DHX32: variants seen among roughly 807,000 people sequenced by gnomAD.
DHX32 encodes putative pre-mRNA-splicing factor ATP-dependent RNA helicase DHX32.
A neutral mutation model predicts 70.0 loss-of-function variants in DHX32; 51 were observed. The observed-to-expected ratio is 0.73, with a 90% CI of 0.58 to 0.92. The LOEUF (loss-of-function observed/expected upper bound fraction) is 0.92, where lower values mean the gene tolerates loss of function less well. Ranked by LOEUF, DHX32 falls within the 40% of genes least tolerant of loss-of-function variation. The pLI is 0.00. For synonymous variants in DHX32, 310 were observed against 315.3 expected (o/e 0.98, Z 0.18); for missense variants, 762 against 891.8 (o/e 0.85, Z 1.85).
At chr10:125,853,902 T>G in intron 4 of DHX32, 59 bp downstream of exon 4, 2 of 1,563,308 alleles carry the variant, frequency 1.3e-6, no homozygotes, top group Non-Finnish European at 1.7e-6. Flanking sequence ...GGTAGGAAAC[T>G]GAGAAACTAG....
intron 6 of DHX32, among the ~76,000 whole-genome samples, chr10:125,851,941 A>G (rs1944095611): frequency 7.1e-6 from 1 of 140,840 alleles, no homozygotes; most frequent in African/African-American, 2.6e-5. Flanking sequence ...AAAAAAAAAA[A>G]GAAAAGAAAA....
upstream of DHX32, among the ~76,000 whole-genome samples, chr10:125,884,362 A>T (rs958044197): frequency 1.4e-4 from 21 of 152,378 alleles, no homozygotes; most frequent in Non-Finnish European, 2.2e-4. Context: ...ATAATATGGT[A>T]GGTTAGATGT....
intron 6 of DHX32, 146 bp from the exon 7 acceptor site, chr10:125,842,080 A>G (rs557117222): frequency 9.7e-7 from 1 of 1,036,096 alleles, no homozygotes; most frequent in Non-Finnish European, 1.3e-6. Flanking sequence ...AATACCAGGG[A>G]GTGAAGGATA....
chr10:125,860,593 G>C (rs1944180498), intron 2 of DHX32, among the ~76,000 whole-genome samples: 2 of 152,066 alleles, frequency 1.3e-5, no homozygotes, highest in South Asian at 4.1e-4. Context: ...TCCTGGAGTG[G>C]GGAGAGGTCA....
Position 125,853,318 on chromosome 10 carries a change from A to G in DHX32, c.1092+643T>C, listed in dbSNP as rs1222906697. On this transcript the variant is annotated intron_variant, in intron 4 of 10. Transcript: ENST00000284690. ...TCTCGGCACCTAGTAATGGTAAATTAGTCAATATTTGTTAGTTTCGTTTGA... is the reference window on the plus strand; with the variant it reads ...TCTCGGCACCTAGTAATGGTAAATTGGTCAATATTTGTTAGTTTCGTTTGA... 8.5e-6 allele frequency: 7 copies of G among 826,000 alleles called. No homozygotes were observed. In the South Asian group the frequency reaches 1.8e-4, roughly 21 times the overall value. The allele number at this position is 826,000 out of a possible 1,614,324, so 51.2% of individuals were successfully genotyped here.
chr10:125,846,193 T>TA (rs1269513337), intron 6 of DHX32, among the ~76,000 whole-genome samples: 1 of 152,176 alleles, frequency 6.6e-6, no homozygotes, highest in Admixed American at 6.5e-5. Context: ...TAACTGTTCT[T>TA]ACAGCCAGGA....
intron 6 of DHX32, among the ~76,000 whole-genome samples, chr10:125,851,594 G>T (rs1944089865): frequency 6.6e-6 from 1 of 152,162 alleles, no homozygotes; most frequent in African/African-American, 2.4e-5. Flanking sequence ...AACCTATCTT[G>T]TTGGGGCTCA....
chr10:125,848,376 G>T (rs1239678768), intron 6 of DHX32, among the ~76,000 whole-genome samples: 4 of 152,132 alleles, frequency 2.6e-5, no homozygotes, highest in Non-Finnish European at 4.4e-5. Flanking sequence ...CATCTCATTT[G>T]TACCTCTAAA....
Position 125,866,679 on chromosome 10 carries a change from A to G in DHX32, c.476+311T>C, listed in dbSNP as rs1564829517. ...TGCTCCAGGTGTCCATGTGGCTTGC[A>G]CACAGGCAATGATGTGGACCCTGCA... On this transcript the variant is annotated intron_variant, in intron 2 of 10. Transcript: ENST00000284690. This position sits in a 1 kb window ranked among gnomAD's most constrained non-coding sequence, Gnocchi z 4.8. 6.6e-6 allele frequency among the ~76,000 whole-genome samples: 1 copy of G among 152,236 alleles called. No homozygotes were observed. The highest frequency in any genetic ancestry group is 1.5e-5 in the Non-Finnish European group (1 of 68,038).
intron 4 of DHX32, chr10:125,853,270 T>TG: frequency 6.2e-6 from 9 of 1,463,158 alleles, no homozygotes; most frequent in Non-Finnish European, 8.5e-6. Flanking sequence ...AGGAGGCTCA[T>TG]AGTCTCCTGG....
Position 125,854,187 on chromosome 10 carries a change from C to A in DHX32, c.866G>T (p.Cys289Phe). Residue 289 changes from cysteine (C) to phenylalanine (F), a missense_variant, in exon 4 of 11, where the codon TGT (cysteine) becomes TTT (phenylalanine). Coordinates refer to ENST00000284690, the MANE Select transcript of DHX32 (RefSeq NM_018180.3). ...LACEQDIEKV[C>F]ETVYQGSNLN... Reference sequence around the variant, plus strand: ...GTTAGATCCTTGATAGACAGTTTCACAGACTTTCTCAATATCCTAAAGAAA... The same window carrying A: ...GTTAGATCCTTGATAGACAGTTTCAAAGACTTTCTCAATATCCTAAAGAAA... 1.2e-6 allele frequency: 2 copies of A among 1,601,870 alleles called. No individual in the cohort carries two copies. The highest frequency in any genetic ancestry group is 1.7e-6 in the Non-Finnish European group (2 of 1,176,134).
intron 1 of DHX32, 62 bp downstream of exon 1, chr10:125,880,481 C>A: frequency 6.7e-7 from 1 of 1,494,952 alleles, no homozygotes; most frequent in South Asian, 1.4e-5. Flanking sequence ...TGTGACATGT[C>A]ATTAAATAAC....
At chr10:125,889,114 C>T (rs1944355609) in intron 1 of DHX32, among the ~76,000 whole-genome samples, 1 of 152,164 alleles carries the variant, frequency 6.6e-6, no homozygotes, top group Admixed American at 6.5e-5. Context: ...AAGGAAACAT[C>T]CGTCTATATT....
intron 10 of DHX32, 39 bp downstream of exon 10, chr10:125,838,166 TA>T (rs543769173): frequency 3.4e-3 from 4,526 of 1,312,544 alleles, no homozygotes; most frequent in South Asian, 7.5e-3. Flanking sequence ...AGGTATGAAT[TA>T]AAAAAAAAAT....
intron 1 of DHX32, among the ~76,000 whole-genome samples, chr10:125,879,642 T>C (rs1164848817): frequency 6.6e-6 from 1 of 152,074 alleles, no homozygotes; most frequent in Non-Finnish European, 1.5e-5. Flanking sequence ...TCAAACAAAC[T>C]CCTTGTTTTT....
At chr10:125,848,754 C>G (rs1272865535) in intron 6 of DHX32, among the ~76,000 whole-genome samples, 1 of 152,178 alleles carries the variant, frequency 6.6e-6, no homozygotes, top group African/African-American at 2.4e-5. Context: ...GTGCAGAGCT[C>G]AGGTAGGAGT....
rs1199904539 is a variant in DHX32, at chr10:125,880,636, A to C, written c.189T>G (p.Pro63=). 1.9e-6 allele frequency: 3 copies of C among 1,614,174 alleles called. No individual in the cohort carries two copies. In the Admixed American group the frequency reaches 5.0e-5, roughly 27 times the overall value. ...TAAAGGAGTATTTTTCTTTCCATAT[A>C]GGAAGATCTTCTCTTTCTTTCAGAA... ...YKLLKEREDL[P]IWKEKYSFME... The change falls in exon 1 of 11, where the codon CCT becomes CCG. Residue 63 remains proline (P), a synonymous_variant. Coordinates refer to ENST00000284690, the MANE Select transcript of DHX32 (RefSeq NM_018180.3).
At chr10:125,840,669 G>T (rs1247155892) in intron 8 of DHX32, among the ~76,000 whole-genome samples, 178 bp downstream of exon 8, 1 of 152,246 alleles carries the variant, frequency 6.6e-6, no homozygotes, top group African/African-American at 2.4e-5. Flanking sequence ...GGGAGCAGGG[G>T]GACTGAGCAT....
chr10:125,838,879 A>T (rs1225679805), intron 9 of DHX32, 122 bp downstream of exon 9: 2 of 1,165,068 alleles, frequency 1.7e-6, no homozygotes, highest in Non-Finnish European at 2.4e-6. Context: ...ATCTTTAATA[A>T]TAACATGGAT....
Sources: gnomAD v4.1 joint callset for allele counts (sites outside exome capture counted in the v4.1 genomes callset) on GRCh38, gnomAD v4.1.1 for gene constraint, Gnocchi (gnomAD v3.1) non-coding constraint, MANE v1.5 for transcripts, NCBI Gene and HGNC (gene_info 2026-07-23, HGNC 2026-07-21) for gene names.